The following TRIM58 variants were observed in gnomAD, a reference collection of about 807,000 sequenced individuals.
TRIM58 encodes E3 ubiquitin-protein ligase TRIM58.
TRIM58 carries 38 observed loss-of-function variants against 34.1 expected under a neutral mutation model. The observed-to-expected ratio is 1.12, with a 90% CI of 0.86 to 1.46. The LOEUF (loss-of-function observed/expected upper bound fraction) is 1.46, where lower values mean the gene tolerates loss of function less well. Ranked by LOEUF, TRIM58 falls within the 40% of genes most tolerant of loss-of-function variation. TRIM58 has a pLI of 0.00. For missense variants in TRIM58, 677 were observed against 642.0 expected (o/e 1.05, Z -0.59); for synonymous variants, 273 against 275.7 (o/e 0.99, Z 0.10).
Position 247,879,652 on chromosome 1 carries a change from TTGCATTC to T in TRIM58, c.*3167_*3173del, listed in dbSNP as rs1659366234. Among the ~76,000 whole-genome samples the T allele has an allele frequency of 6.6e-6, 1 of 151,356 alleles. No individual in the cohort carries two copies. The highest frequency in any genetic ancestry group is 1.5e-5 in the Non-Finnish European group (1 of 67,890). On this transcript the variant is annotated 3_prime_UTR_variant, in exon 6 of 6. Coordinates refer to ENST00000366481, the MANE Select transcript of TRIM58 (RefSeq NM_015431.4). ...TTATCTCTCCCACCCCCACTTCCCT[TTGCATTC>T]TGCTCCAGCTGCCCTGGCCTCATGG... is the stretch of plus-strand genomic sequence containing the variant.
In TRIM58 at chr1:247,876,252, T is replaced by G. The variant is rs1448359037; in HGVS notation, c.1224T>G (p.Pro408=). The G allele has an allele frequency of 1.2e-6, 2 of 1,614,110 alleles. No individual in the cohort carries two copies. Among genetic ancestry groups the G allele is most frequent in the Non-Finnish European group, 8.5e-7 (1 of 1,180,046 alleles). ...PSVPLLQLES[P]RCIGIFLDYE... ...TGCCTCTTCTCCAACTGGAAAGTCC[T>G]CGCTGCATTGGGATTTTCTTGGACT... The change falls in exon 6 of 6, where the codon CCT becomes CCG. Residue 408 remains proline, a synonymous_variant. Transcript: ENST00000366481.
In TRIM58 at chr1:247,876,468, T is replaced by G. The variant is rs1363025745; in HGVS notation, c.1440T>G (p.Asp480Glu). The G allele has an allele frequency of 1.2e-6, 2 of 1,613,680 alleles. No homozygotes were observed. Among genetic ancestry groups the G allele is most frequent in the Non-Finnish European group, 1.7e-6 (2 of 1,179,824 alleles). Residue 480 changes from aspartate to glutamate, a missense_variant, in exon 6 of 6, where the codon GAT (aspartate) becomes GAG (glutamate). Coordinates refer to ENST00000366481, the MANE Select transcript of TRIM58 (RefSeq NM_015431.4). ...ASRDHLDPAS[D>E]VRDDHL ...GGGATCATTTAGATCCTGCTTCTGA[T>G]GTAAGAGATGATCATCTCTAAAATT...
chr1:247,874,483 C>T (rs1023822660), intron 5 of TRIM58, among the ~76,000 whole-genome samples: 8 of 152,104 alleles, frequency 5.3e-5, no homozygotes, highest in Admixed American at 2.0e-4. Flanking sequence ...AACATGAGAC[C>T]GGGAGGCGAT....
In TRIM58 at chr1:247,857,222, A is replaced by C. The variant is rs1287399811; in HGVS notation, c.-25A>C. 2 of 1,306,948 alleles carry C rather than the reference A, an allele frequency of 1.5e-6. No individual in the cohort carries two copies. The highest frequency in any genetic ancestry group is 2.0e-6 in the Non-Finnish European group (2 of 1,021,906). 81.0% of individuals were successfully genotyped at this position (1,306,948 alleles called of 1,614,324 possible). On this transcript the variant is annotated 5_prime_UTR_variant, in exon 1 of 6. Coordinates refer to ENST00000366481, the MANE Select transcript of TRIM58 (RefSeq NM_015431.4). ...AGGGGAGACGGTGCGGGCGGCCGGG[A>C]GCGCAGCCCTCCGGGAGGCGGGTCA...
chr1:247,874,872 A>AT (rs1475041436), intron 5 of TRIM58, among the ~76,000 whole-genome samples: 3 of 152,138 alleles, frequency 2.0e-5, no homozygotes, highest in African/African-American at 7.2e-5. Flanking sequence ...CTCCAACCTT[A>AT]TTCAGGTTGT....
In TRIM58 at chr1:247,865,283, T is replaced by C. The variant is rs1346498013; in HGVS notation, c.747+348T>C. Among the ~76,000 whole-genome samples, 3 of 152,108 alleles carry C rather than the reference T, an allele frequency of 2.0e-5. No individual in the cohort carries two copies. In the East Asian group the frequency reaches 5.8e-4, roughly 29 times the overall value. On this transcript the variant is annotated intron_variant, in intron 3 of 5. Coordinates refer to ENST00000366481, the MANE Select transcript of TRIM58 (RefSeq NM_015431.4). ...TGTCTCAAAAAACAAACAAACAGCATATAGTTTGTTTTAAGGACTAAAGAA... is the reference window on the plus strand; with the variant it reads ...TGTCTCAAAAAACAAACAAACAGCACATAGTTTGTTTTAAGGACTAAAGAA...
In TRIM58 at chr1:247,878,154, C is replaced by T. The variant is rs1232562588; in HGVS notation, c.*1665C>T. On this transcript the variant is annotated 3_prime_UTR_variant, in exon 6 of 6. Transcript: ENST00000366481. ...CTCCAGCCGGGGCAACAGAGCAAGA[C>T]TCCATCTCAAAAATAAATAAATAAA... The T allele has an allele frequency of 7.0e-6, 1 of 143,080 alleles. No homozygotes were observed. Among genetic ancestry groups the T allele is most frequent in the African/African-American group, 2.6e-5 (1 of 38,940 alleles). The allele number at this position is 143,080 out of a possible 1,614,324, so 8.9% of individuals were successfully genotyped here. A position where few individuals can be genotyped will look rare whatever the true frequency, so the allele number is the denominator to read the frequency against.
At chr1:247,873,368 G>A (rs1235006056) in intron 5 of TRIM58, among the ~76,000 whole-genome samples, 1 of 152,110 alleles carries the variant, frequency 6.6e-6, no homozygotes, top group East Asian at 1.9e-4. Flanking sequence ...GGAGAGGAAT[G>A]GGATACAGAC....
At chr1:247,859,326 C>A (rs79731140) in intron 1 of TRIM58, among the ~76,000 whole-genome samples, 4 of 152,146 alleles carry the variant, frequency 2.6e-5, no homozygotes, top group East Asian at 3.9e-4. Context: ...CAAAGTGCTC[C>A]GTTCTTTGTA....
chr1:247,857,535 G>T lies in TRIM58; in HGVS notation c.289G>T (p.Ala97Ser). The T allele has an allele frequency of 7.8e-7, 1 of 1,282,578 alleles. No individual in the cohort carries two copies. The highest frequency in any genetic ancestry group is 9.8e-7 in the Non-Finnish European group (1 of 1,019,324). 79.4% of individuals were successfully genotyped at this position (1,282,578 alleles called of 1,614,324 possible). Residue 97 changes from alanine (A) to serine (S), a missense_variant, in exon 1 of 6, where the codon GCG becomes TCG. Transcript: ENST00000366481. The stretch of plus-strand genomic sequence containing the variant: ...CGCGGGGCCCGGGGCGCGGCGATGC[G>T]CGCGGCACGGCGAGGACCTGAGCCG... Reference protein sequence around the residue: ...LGAGPGARRCARHGEDLSRFC... With the variant: ...LGAGPGARRCSRHGEDLSRFC...
At chr1:247,869,368 G>A (rs1299125218) in intron 5 of TRIM58, among the ~76,000 whole-genome samples, 1 of 152,158 alleles carries the variant, frequency 6.6e-6, no homozygotes, top group African/African-American at 2.4e-5. Context: ...CACATGGTTG[G>A]TTCCCCTGGC....
chr1:247,859,749 A>G (rs1264105379), intron 1 of TRIM58, among the ~76,000 whole-genome samples: 3 of 152,052 alleles, frequency 2.0e-5, no homozygotes, highest in Admixed American at 2.0e-4. Context: ...TTGAAGTTAT[A>G]TAGAGAAATA....
chr1:247,876,153 A>G lies in TRIM58; in HGVS notation c.1125A>G (p.Pro375=), dbSNP rs1181048657. 5.6e-6 allele frequency: 9 copies of G among 1,614,032 alleles called. No homozygotes were observed. The highest frequency in any genetic ancestry group is 7.6e-6 in the Non-Finnish European group (9 of 1,180,008). The change falls in exon 6 of 6, where the codon CCA becomes CCG. Residue 375 remains proline, a synonymous_variant. Coordinates refer to ENST00000366481, the MANE Select transcript of TRIM58 (RefSeq NM_015431.4). The stretch of plus-strand genomic sequence containing the variant: ...TGCCAAGAAAGGGGGAAACCACGCC[A>G]TCTCCTGAGAATGGGGTCTGGGCCC... ...DTLPRKGETT[P]SPENGVWALW...
rs142321693 is a variant in TRIM58 at position 247,876,102 on chromosome 1, G to C, written c.1074G>C (p.Trp358Cys). ...WEVLVGEGAE[W>C]GLGVCQDTLP... ...TTCTGGTGGGAGAAGGAGCAGAGTG[G>C]GGTTTAGGGGTCTGTCAAGACACAC... Residue 358 changes from tryptophan to cysteine, a missense_variant, in exon 6 of 6, where the codon TGG (tryptophan) becomes TGC (cysteine). Trp to Cys is a radical substitution (Grantham distance 215). Coordinates refer to ENST00000366481, the MANE Select transcript of TRIM58 (RefSeq NM_015431.4). 1.3e-4 allele frequency: 210 copies of C among 1,614,046 alleles called. No homozygotes were observed. Among genetic ancestry groups the C allele is most frequent in the Non-Finnish European group, 1.7e-4 (195 of 1,180,048 alleles).
chr1:247,871,125 A>G (rs1273106837), intron 5 of TRIM58, among the ~76,000 whole-genome samples: 1 of 152,230 alleles, frequency 6.6e-6, no homozygotes, highest in Non-Finnish European at 1.5e-5. Flanking sequence ...GTCATCTCTT[A>G]TTAGCTGATA....
intron 5 of TRIM58, 121 bp downstream of exon 5, chr1:247,868,184 A>T (rs1339108964): frequency 2.6e-6 from 2 of 768,614 alleles, no homozygotes; most frequent in African/African-American, 3.5e-5. Flanking sequence ...GTGGTTTGTC[A>T]CTATGCCAGT....
In TRIM58 at chr1:247,877,689, T is replaced by G. The variant is rs557397715; in HGVS notation, c.*1200T>G. On this transcript the variant is annotated 3_prime_UTR_variant, in exon 6 of 6. Coordinates refer to ENST00000366481, the MANE Select transcript of TRIM58 (RefSeq NM_015431.4). ...ACTGTGTTATGGTAAATATTTAAGG[T>G]CATATTTGATATTGCTGGTTTGAAT... 6.6e-6 allele frequency: 1 copy of G among 152,172 alleles called. No individual in the cohort carries two copies. The highest frequency in any genetic ancestry group is 1.5e-5 in the Non-Finnish European group (1 of 68,036). 9.4% of individuals were successfully genotyped at this position (152,172 alleles called of 1,614,324 possible). A position where few individuals can be genotyped will look rare whatever the true frequency, so the allele number is the denominator to read the frequency against.
At chr1:247,859,214 A>G (rs1472048012) in intron 1 of TRIM58, among the ~76,000 whole-genome samples, 1 of 152,164 alleles carries the variant, frequency 6.6e-6, no homozygotes, top group Non-Finnish European at 1.5e-5. Flanking sequence ...CAGGAAACCC[A>G]GCAAATTTAG....
chr1:247,857,193 C>T lies in TRIM58; in HGVS notation c.-54C>T. ...CGTGGGCTCCTCCCCCTGTGCAGAC[C>T]GCGAGGGGAGACGGTGCGGGCGGCC... On this transcript the variant is annotated 5_prime_UTR_variant, in exon 1 of 6. Coordinates refer to ENST00000366481, the MANE Select transcript of TRIM58 (RefSeq NM_015431.4). The T allele has an allele frequency of 1.5e-6, 2 of 1,302,490 alleles. No homozygotes were observed. The highest frequency in any genetic ancestry group is 6.3e-5 in the East Asian group (2 of 31,870). The allele number at this position is 1,302,490 out of a possible 1,614,324, so 80.7% of individuals were successfully genotyped here.
Sources: allele counts gnomAD v4.1 joint callset (sites outside exome capture counted in the v4.1 genomes callset), GRCh38; gene constraint gnomAD v4.1.1; transcripts MANE v1.5; gene names NCBI Gene and HGNC (gene_info 2026-07-23, HGNC 2026-07-21).